ZNF347: variants seen among roughly 807,000 people sequenced by gnomAD.
ZNF347 encodes CTD-2620I22.7.
ZNF347 carries 19 observed loss-of-function variants against 12.9 expected under a neutral mutation model. The ratio of observed to expected loss-of-function variants is 1.47; its 90% CI spans 1.03 to 2.16. ZNF347 has a LOEUF of 2.16. Ranked by LOEUF, ZNF347 falls within the 30% of genes most tolerant of loss-of-function variation. The probability of loss-of-function intolerance (pLI) is 0.00; values close to 1 mark genes in which losing one functional copy is unlikely to be tolerated. For missense variants in ZNF347, 1,005 were observed against 990.6 expected, an observed-to-expected ratio of 1.01 and a Z score of -0.19; for synonymous variants, 328 against 340.6, an observed-to-expected ratio of 0.96 and a Z score of 0.41.
At chr19:53,155,921 T>C (rs1303168602) in intron 1 of ZNF347, among the ~76,000 whole-genome samples, 1 of 151,098 alleles carries the variant, frequency 6.6e-6, no homozygotes, top group Non-Finnish European at 1.5e-5. Flanking sequence ...GTCTTTGAGA[T>C]AGGAAAAAAC....
In ZNF347 at chr19:53,135,337, T is replaced by TAGAG. The variant is rs2090381696; in HGVS notation, c.*4970_*4971insCTCT. On this transcript the variant is annotated 3_prime_UTR_variant, in exon 5 of 5. Transcript: ENST00000334197. ...ATATATATATATATATATATATATA[T>TAGAG]ATAGAGAGAGAGAGAGAGAGAGAGA... The TAGAG allele has an allele frequency of 2.3e-5, 2 of 86,044 alleles. No individual in the cohort carries two copies. The highest frequency in any genetic ancestry group is 4.0e-4 in the South Asian group (1 of 2,494). 5.3% of individuals were successfully genotyped at this position (86,044 alleles called of 1,614,324 possible). A position where few individuals can be genotyped will look rare whatever the true frequency, so the allele number is the denominator to read the frequency against.
intron 1 of ZNF347, among the ~76,000 whole-genome samples, chr19:53,156,015 G>A (rs1271933729): frequency 7.3e-6 from 1 of 137,160 alleles, no homozygotes; most frequent in Non-Finnish European, 1.6e-5. Context: ...TTCCCACAAT[G>A]ACCAGGGGAC....
chr19:53,150,210 T>C (rs1405713703), intron 2 of ZNF347, among the ~76,000 whole-genome samples: 1 of 152,180 alleles, frequency 6.6e-6, no homozygotes, highest in East Asian at 1.9e-4. Flanking sequence ...AGGTAGACAG[T>C]GTCAGAATTG....
Position 53,135,366 on chromosome 19 carries a change from A to G in ZNF347, c.*4942T>C, listed in dbSNP as rs1023402635. 1 of 119,968 alleles carries G rather than the reference A, an allele frequency of 8.3e-6. No homozygotes were observed. Among genetic ancestry groups the G allele is most frequent in the Admixed American group, 8.5e-5 (1 of 11,778 alleles). 7.4% of individuals were successfully genotyped at this position (119,968 alleles called of 1,614,324 possible). A position where few individuals can be genotyped will look rare whatever the true frequency, so the allele number is the denominator to read the frequency against. ...GAGAGAGAGAGAGAGAGAGAGAGAG[A>G]GAAAGAGAGAGAGAGAGAGAGAGAG... On this transcript the variant is annotated 3_prime_UTR_variant, in exon 5 of 5. Transcript: ENST00000334197.
intron 4 of ZNF347, among the ~76,000 whole-genome samples, chr19:53,147,497 G>A (rs556367965): frequency 2.0e-4 from 31 of 152,090 alleles, no homozygotes; most frequent in African/African-American, 7.5e-4. Context: ...GTCTGAGTTT[G>A]CAGTAAGCTA....
rs879706160 is a variant in ZNF347 at position 53,139,900 on chromosome 19, A to AT, written c.*407dup. On this transcript the variant is annotated 3_prime_UTR_variant, in exon 5 of 5. Transcript: ENST00000334197. ...ATGAGGAGTTTGCCACAGTCATTGC[A>AT]TTTTTTTTTTTTCCTTTAAGATGGA... is the stretch of plus-strand genomic sequence containing the variant. 2,295 of 155,230 alleles carry AT rather than the reference A, an allele frequency of 0.015. 30 individuals are homozygous for AT. The highest frequency in any genetic ancestry group is 0.04 in the African/African-American group (1,594 of 40,120). The allele number at this position is 155,230 out of a possible 1,614,324, so 9.6% of individuals were successfully genotyped here.
At chr19:53,143,945 A>AT (rs1260358707) in intron 4 of ZNF347, among the ~76,000 whole-genome samples, 2 of 152,340 alleles carry the variant, frequency 1.3e-5, no homozygotes, top group Admixed American at 1.3e-4. Context: ...CGTAAGCCTT[A>AT]TTTTATGGTC....
rs1002649715 is a variant in ZNF347, at chr19:53,138,529, G to A, written c.*1779C>T. On this transcript the variant is annotated 3_prime_UTR_variant, in exon 5 of 5. Coordinates refer to ENST00000334197, the MANE Select transcript of ZNF347 (RefSeq NM_032584.3). Reference sequence around the variant, plus strand: ...TATGGTATATATTCACCAACACTGTGGCAGCTTTCAGAGTGTAAGAGTATG... The same window carrying A: ...TATGGTATATATTCACCAACACTGTAGCAGCTTTCAGAGTGTAAGAGTATG... 4.6e-5 allele frequency: 7 copies of A among 152,090 alleles called. No individual in the cohort carries two copies. The highest frequency in any genetic ancestry group is 8.8e-5 in the Non-Finnish European group (6 of 68,034). The allele number at this position is 152,090 out of a possible 1,614,324, so 9.4% of individuals were successfully genotyped here. A position where few individuals can be genotyped will look rare whatever the true frequency, so the allele number is the denominator to read the frequency against.
At chr19:53,158,635 C>G (rs2090551400) in intron 1 of ZNF347, 1 of 152,206 alleles carries the variant, frequency 6.6e-6, no homozygotes, top group Admixed American at 6.6e-5. Flanking sequence ...CAGTGGCTCA[C>G]GCTTGTAACC....
Position 53,141,410 on chromosome 19 carries a change from G to C in ZNF347, c.1418C>G (p.Ala473Gly), listed in dbSNP as rs1364392645. ...TCCAGTATGAATTAGCTGATGCCTTGCAAGGTGTGAATTACGCCTAAAGAC... is the reference window on the plus strand; with the variant it reads ...TCCAGTATGAATTAGCTGATGCCTTCCAAGGTGTGAATTACGCCTAAAGAC... ...GKVFRRNSHLARHQLIHTGEK... is the reference protein window; with the variant it reads ...GKVFRRNSHLGRHQLIHTGEK... Residue 473 changes from alanine to glycine, a missense_variant, in exon 5 of 5, where the codon GCA (alanine) becomes GGA (glycine). By Grantham distance (60) the Ala-to-Gly change is moderately conservative (BLOSUM62 0). Transcript: ENST00000334197. The C allele has an allele frequency of 6.2e-7, 1 of 1,613,740 alleles. No individual in the cohort carries two copies. Among genetic ancestry groups the C allele is most frequent in the South Asian group, 1.1e-5 (1 of 91,052 alleles).
rs781083127 is a variant in ZNF347 at position 53,141,754 on chromosome 19, T to C, written c.1074A>G (p.Ser358=). The C allele has an allele frequency of 6.2e-7, 1 of 1,613,818 alleles. No homozygotes were observed. The highest frequency in any genetic ancestry group is 8.5e-7 in the Non-Finnish European group (1 of 1,179,828). The change falls in exon 5 of 5, where the codon TCA becomes TCG. Residue 358 remains serine (S), a synonymous_variant. Transcript: ENST00000334197. ...GAATTCCTCGATGTCTTACAAGGTGTGAATTCTGAGTGAAGACCTTGCCAC... is the reference window on the plus strand; with the variant it reads ...GAATTCCTCGATGTCTTACAAGGTGCGAATTCTGAGTGAAGACCTTGCCAC... ...NECGKVFTQN[S]HLVRHRGIHT...
rs2090402188 is a variant in ZNF347, at chr19:53,138,938, G to A, written c.*1370C>T. The A allele has an allele frequency of 6.6e-6, 1 of 151,902 alleles. No homozygotes were observed. Among genetic ancestry groups the A allele is most frequent in the African/African-American group, 2.4e-5 (1 of 41,328 alleles). The allele number at this position is 151,902 out of a possible 1,614,324, so 9.4% of individuals were successfully genotyped here. A position where few individuals can be genotyped will look rare whatever the true frequency, so the allele number is the denominator to read the frequency against. On this transcript the variant is annotated 3_prime_UTR_variant, in exon 5 of 5. Transcript: ENST00000334197. Reference sequence around the variant, plus strand: ...AACAAAACAAAACAAAAAAAACCATGGTATTCTGGTTTTTCTGACCAAGCT... The same window carrying A: ...AACAAAACAAAACAAAAAAAACCATAGTATTCTGGTTTTTCTGACCAAGCT...
At chr19:53,156,724 G>C (rs747202718) in intron 1 of ZNF347, among the ~76,000 whole-genome samples, 1 of 152,188 alleles carries the variant, frequency 6.6e-6, no homozygotes, top group African/African-American at 2.4e-5. Flanking sequence ...GGGATGTCAA[G>C]GGAATCCCCA....
At chr19:53,157,261 G>A (rs775801063) in intron 1 of ZNF347, among the ~76,000 whole-genome samples, 1 of 152,128 alleles carries the variant, frequency 6.6e-6, no homozygotes, top group Non-Finnish European at 1.5e-5. Flanking sequence ...TATTTTAAAT[G>A]TGTTGCATTA....
At position 53,158,987 on chromosome 19, in the gene ZNF347, ATCCATACTGAGGGACAC is replaced by A. The variant is rs1268698994; in HGVS notation, c.-47+5_-47+21del. The A allele has an allele frequency of 2.0e-5, 3 of 152,172 alleles. No individual in the cohort carries two copies. The highest frequency in any genetic ancestry group is 7.2e-5 in the African/African-American group (3 of 41,488). The allele number at this position is 152,172 out of a possible 1,614,324, so 9.4% of individuals were successfully genotyped here. On this transcript the variant is annotated splice_donor_5th_base_variant and intron_variant, in intron 1 of 4. Coordinates refer to ENST00000334197, the MANE Select transcript of ZNF347 (RefSeq NM_032584.3). ...CGGGGCACGGCGGTTCGCAAGTTTA[ATCCATACTGAGGGACAC>A]TCACGCTCGGCGGCGTCACCCGCAC...
intron 1 of ZNF347, among the ~76,000 whole-genome samples, chr19:53,157,031 C>T (rs1445981291): frequency 6.6e-6 from 1 of 152,002 alleles, no homozygotes; most frequent in Non-Finnish European, 1.5e-5. Flanking sequence ...AATATTTTTT[C>T]CTCTTAGTTC....
At chr19:53,148,552 G>A (rs1488799898) in intron 4 of ZNF347, 129 bp downstream of exon 4, 3 of 1,109,216 alleles carry the variant, frequency 2.7e-6, no homozygotes, top group African/African-American at 3.2e-5. Flanking sequence ...ACAAAAGGGG[G>A]CAAATAAAGA....
chr19:53,142,333 A>G lies in ZNF347; in HGVS notation c.495T>C (p.His165=), dbSNP rs752311745. Residue 165 remains histidine (H), a synonymous_variant, in exon 5 of 5, where the codon CAT becomes CAC. Transcript: ENST00000334197. ...VLLTQEGNLT[H]GRDEHDKRDA... ...CTCTTTTATCATGTTCATCTCTTCC[A>G]TGAGTGAGATTGCCTTCTTGGGTCA... 8.7e-6 allele frequency: 14 copies of G among 1,614,122 alleles called. No homozygotes were observed. In the East Asian group the frequency reaches 2.2e-4, roughly 26 times the overall value.
chr19:53,153,898 C>A (rs1176124423), intron 1 of ZNF347, 105 bp from the exon 2 acceptor site: 7 of 797,390 alleles, frequency 8.8e-6, no homozygotes, highest in Non-Finnish European at 1.2e-5. Context: ...CAATCACACA[C>A]ACACACAGGG....
Sources: allele counts gnomAD v4.1 joint callset (sites outside exome capture counted in the v4.1 genomes callset), GRCh38; gene constraint gnomAD v4.1.1; transcripts MANE v1.5; gene names NCBI Gene and HGNC (gene_info 2026-07-23, HGNC 2026-07-21).